Variants in GMDS observed in about 807,000 individuals in gnomAD.
GMDS encodes GDP-mannose 4,6 dehydratase.
A neutral mutation model predicts 49.9 loss-of-function variants in GMDS; 20 were observed. The observed-to-expected ratio is 0.40, with a 90% CI of 0.28 to 0.58. The LOEUF (loss-of-function observed/expected upper bound fraction) is 0.58. GMDS is among the 20% of genes least tolerant of loss of function. The probability of loss-of-function intolerance (pLI) is 0.42; values close to 1 mark genes in which losing one functional copy is unlikely to be tolerated. For missense variants in GMDS, 362 were observed against 481.4 expected (o/e 0.75, Z 2.32); for synonymous variants, 177 against 178.6 (o/e 0.99, Z 0.07).
At chr6:1,955,618 C>T (rs35027075) in intron 6 of GMDS, among the ~76,000 whole-genome samples, 12 of 152,082 alleles carry the variant, frequency 7.9e-5, no homozygotes, top group African/African-American at 1.2e-4. Flanking sequence ...GATGCAAAGT[C>T]GCAGATTATT....
rs1760497476 is a variant in GMDS, at chr6:1,901,387, T to C, written c.771+28716A>G. On this transcript the variant is annotated intron_variant, in intron 7 of 10. Transcript: ENST00000380815. ...TTGCTCACATTGATCAAAACTACAT[T>C]AGGTCTGTTAAGTCAGCTTTTCATC... is the stretch of plus-strand genomic sequence containing the variant. 2.6e-5 allele frequency among the ~76,000 whole-genome samples: 4 copies of C among 152,150 alleles called. No individual in the cohort carries two copies. In the South Asian group the frequency reaches 8.3e-4, roughly 32 times the overall value.
rs537118130 is a variant in GMDS at position 1,697,808 on chromosome 6, G to A, written c.987+28608C>T. Among the ~76,000 whole-genome samples, 86 of 152,300 alleles carry A rather than the reference G, an allele frequency of 5.6e-4. 3 individuals are homozygous for A. In the South Asian group the frequency reaches 0.017, roughly 31 times the overall value. Reference sequence around the variant, plus strand: ...AGATGCCAAGGAGAACTAAAACAATGCAAGCTCACGAGAGGAAGCTTTCTT... The same window carrying A: ...AGATGCCAAGGAGAACTAAAACAATACAAGCTCACGAGAGGAAGCTTTCTT... On this transcript the variant is annotated intron_variant, in intron 9 of 10. Transcript: ENST00000380815.
intron 9 of GMDS, among the ~76,000 whole-genome samples, chr6:1,639,734 C>T (rs575758998): frequency 8.5e-5 from 13 of 152,240 alleles, no homozygotes; most frequent in South Asian, 8.3e-4. Flanking sequence ...AAAAACCAGC[C>T]GGGTGTGGTG....
At chr6:1,820,043 G>C (rs879379671) in intron 7 of GMDS, among the ~76,000 whole-genome samples, 6 of 151,598 alleles carry the variant, frequency 4.0e-5, no homozygotes, top group Admixed American at 1.3e-4. Flanking sequence ...AATATAAAAA[G>C]CTCTCTGAAA....
At chr6:1,667,403 A>G (rs2113268537) in intron 9 of GMDS, among the ~76,000 whole-genome samples, 1 of 152,310 alleles carries the variant, frequency 6.6e-6, no homozygotes, top group South Asian at 2.1e-4. Context: ...AAGCAGTTGT[A>G]CCTTTGACCC....
chr6:1,859,864 AT>A (rs1758103963), intron 7 of GMDS, among the ~76,000 whole-genome samples: 1 of 152,254 alleles, frequency 6.6e-6, no homozygotes, highest in African/African-American at 2.4e-5. Flanking sequence ...ATAATGTATT[AT>A]TTAATGCCTT....
chr6:1,711,348 A>G (rs868863051), intron 9 of GMDS, among the ~76,000 whole-genome samples: 10 of 152,308 alleles, frequency 6.6e-5, no homozygotes, highest in Middle Eastern at 6.8e-3. Context: ...TGTATTTTCA[A>G]CAGCTTTCTG....
chr6:1,802,766 T>C (rs1318050226), intron 7 of GMDS, among the ~76,000 whole-genome samples: 1 of 152,240 alleles, frequency 6.6e-6, no homozygotes, highest in African/African-American at 2.4e-5. Context: ...AAGTCTTCTT[T>C]TTCCTGATAC....
chr6:1,908,550 A>G (rs577689988), intron 7 of GMDS, among the ~76,000 whole-genome samples: 1 of 152,354 alleles, frequency 6.6e-6, no homozygotes, highest in East Asian at 1.9e-4. Flanking sequence ...TAAAAGTGGC[A>G]TAATTTTAAT....
intron 7 of GMDS, among the ~76,000 whole-genome samples, chr6:1,789,071 G>A (rs916280100): frequency 1.3e-5 from 2 of 152,186 alleles, no homozygotes; most frequent in Admixed American, 1.3e-4. Flanking sequence ...GGACACAATA[G>A]TCATGTAATG....
At chr6:2,154,710 G>A (rs1777014824) in intron 1 of GMDS, among the ~76,000 whole-genome samples, 2 of 151,524 alleles carry the variant, frequency 1.3e-5, no homozygotes, top group Admixed American at 1.3e-4. Flanking sequence ...ATAAACATAT[G>A]CCCAGATATG....
intron 8 of GMDS, among the ~76,000 whole-genome samples, chr6:1,737,628 TACAC>T (rs1429144404): frequency 3.5e-5 from 4 of 115,166 alleles, no homozygotes; most frequent in African/African-American, 7.3e-5. Context: ...CACACACAGA[TACAC>T]ACGCACACAT....
At chr6:2,179,586 C>A (rs1290552423) in intron 1 of GMDS, among the ~76,000 whole-genome samples, 2 of 152,144 alleles carry the variant, frequency 1.3e-5, no homozygotes, top group African/African-American at 4.8e-5. Flanking sequence ...AAGTAGAGAG[C>A]AGCCCTCACC....
intron 1 of GMDS, among the ~76,000 whole-genome samples, chr6:2,242,213 T>G (rs1482786906): frequency 2.0e-5 from 3 of 152,064 alleles, no homozygotes; most frequent in African/African-American, 7.2e-5. Context: ...AAATAATTAC[T>G]CCAAAGAGGT....
chr6:1,700,700 T>G (rs1287296955), intron 9 of GMDS, among the ~76,000 whole-genome samples: 1 of 152,100 alleles, frequency 6.6e-6, no homozygotes, highest in Non-Finnish European at 1.5e-5. Context: ...TTTTGTCTAG[T>G]GATGTCCTAT....
intron 2 of GMDS, among the ~76,000 whole-genome samples, chr6:2,121,277 A>G (rs1775123554): frequency 6.6e-6 from 1 of 152,212 alleles, no homozygotes; most frequent in African/African-American, 2.4e-5. Context: ...AATTAAGTGT[A>G]TAGCATAATC....
At chr6:1,949,378 T>C (rs1304185697) in intron 6 of GMDS, among the ~76,000 whole-genome samples, 2 of 152,210 alleles carry the variant, frequency 1.3e-5, no homozygotes, top group African/African-American at 2.4e-5. Context: ...TGCGTGGCTA[T>C]ATTGCAGGGA....
intron 1 of GMDS, among the ~76,000 whole-genome samples, chr6:2,156,361 T>G (rs1411384435): frequency 6.6e-6 from 1 of 152,150 alleles, no homozygotes; most frequent in Non-Finnish European, 1.5e-5. Flanking sequence ...TAGATGTTTT[T>G]ACTGAAAAAG....
intron 4 of GMDS, among the ~76,000 whole-genome samples, chr6:2,088,191 T>C (rs1773119616): frequency 6.6e-6 from 1 of 152,016 alleles, no homozygotes; most frequent in Non-Finnish European, 1.5e-5. Context: ...TTTGCTGAGA[T>C]TACAAAGCTT....
Sources: gnomAD v4.1 joint callset for allele counts (sites outside exome capture counted in the v4.1 genomes callset) on GRCh38, gnomAD v4.1.1 for gene constraint, MANE v1.5 for transcripts, NCBI Gene and HGNC (gene_info 2026-07-23, HGNC 2026-07-21) for gene names.